Variants in DLC1 observed in about 807,000 individuals in gnomAD.
DLC1 encodes the protein rho GTPase-activating protein 7.
DLC1 carries 54 observed loss-of-function variants against 140.3 expected under a neutral mutation model. That is an observed-to-expected ratio of 0.38 (90% CI 0.31 to 0.48). The LOEUF is 0.48. DLC1 is among the 20% of genes least tolerant of loss of function. The pLI is 0.96. For synonymous variants in DLC1, 986 were observed against 728.1 expected (o/e 1.35, Z -5.70); for missense variants, 2,536 against 1,907.0 (o/e 1.33, Z -6.14).
chr8:13,227,188 A>G (rs984060588), intron 5 of DLC1, among the ~76,000 whole-genome samples: 1 of 152,170 alleles, frequency 6.6e-6, no homozygotes, highest in African/African-American at 2.4e-5. Flanking sequence ...GATAATTGTT[A>G]TTAGTGATAA....
At chr8:13,175,101 A>G (rs907026357) in intron 5 of DLC1, among the ~76,000 whole-genome samples, 1 of 152,112 alleles carries the variant, frequency 6.6e-6, no homozygotes, top group Non-Finnish European at 1.5e-5. Flanking sequence ...TCCCAGCACT[A>G]CTTATTGAAC....
intron 5 of DLC1, among the ~76,000 whole-genome samples, chr8:13,203,473 A>G (rs996599528): frequency 2.2e-4 from 34 of 152,324 alleles, no homozygotes; most frequent in Admixed American, 2.2e-3. Flanking sequence ...CTGGAAAGTT[A>G]CCAAAAATGA....
rs746688851 is a variant in DLC1, at chr8:13,499,268, T to C, written c.804A>G (p.Pro268=). Residue 268 remains proline, a synonymous_variant, in exon 2 of 18, where the codon CCA becomes CCG. Coordinates refer to ENST00000276297, the MANE Select transcript of DLC1 (RefSeq NM_182643.3). ...LDTPCTNRGL[P]LLKTDFGSCL... The stretch of plus-strand genomic sequence containing the variant: ...AGCTTCCAAAATCTGTTTTTAATAA[T>C]GGCAGTCCTCTGTTTGTGCAAGGAG... 3.1e-6 allele frequency: 5 copies of C among 1,614,184 alleles called. No individual in the cohort carries two copies. Among genetic ancestry groups the C allele is most frequent in the Non-Finnish European group, 2.5e-6 (3 of 1,180,022 alleles).
At chr8:13,536,911 A>G (rs1803303878) in intron 1 of DLC1, among the ~76,000 whole-genome samples, 1 of 152,186 alleles carries the variant, frequency 6.6e-6, no homozygotes, top group Non-Finnish European at 1.5e-5. Flanking sequence ...CAAAATTACT[A>G]TATTTTTGGA....
chr8:13,125,069 T>C (rs1169957000), intron 5 of DLC1, among the ~76,000 whole-genome samples: 1 of 152,036 alleles, frequency 6.6e-6, no homozygotes, highest in Non-Finnish European at 1.5e-5. Flanking sequence ...CTCTGCCTCC[T>C]GGGTTCAAGC....
chr8:13,284,949 T>C (rs1314407428), intron 5 of DLC1, among the ~76,000 whole-genome samples: 1 of 152,188 alleles, frequency 6.6e-6, no homozygotes, highest in African/African-American at 2.4e-5. Flanking sequence ...TTGTTAATTC[T>C]TCCAAACTAT....
At chr8:13,278,863 A>T (rs537042059) in intron 5 of DLC1, among the ~76,000 whole-genome samples, 1 of 152,324 alleles carries the variant, frequency 6.6e-6, no homozygotes, top group African/African-American at 2.4e-5. Context: ...GTCATCAGAG[A>T]TCATGTATAG....
intron 1 of DLC1, among the ~76,000 whole-genome samples, chr8:13,579,791 C>G (rs1805017055): frequency 6.6e-6 from 1 of 151,586 alleles, no homozygotes; most frequent in Non-Finnish European, 1.5e-5. Flanking sequence ...GAGCCCACTG[C>G]TTTTAGAAGT....
At chr8:13,451,061 A>AAAAAAAAAAAG (rs1563357501) in intron 2 of DLC1, among the ~76,000 whole-genome samples, 7 of 138,402 alleles carry the variant, frequency 5.1e-5, no homozygotes, top group Non-Finnish European at 1.1e-4. Flanking sequence ...AAAAAAAAAA[A>AAAAAAAAAAAG]AAAAAAAGAA....
intron 2 of DLC1, among the ~76,000 whole-genome samples, chr8:13,404,935 A>G (rs888230848): frequency 2.6e-5 from 4 of 152,058 alleles, no homozygotes; most frequent in Admixed American, 2.6e-4. Context: ...TGAACCTGGG[A>G]GGCAGAGGCA....
chr8:13,221,752 C>A lies in DLC1; in HGVS notation c.1348+83517G>T, dbSNP rs960509569. On this transcript the variant is annotated intron_variant, in intron 5 of 17. Transcript: ENST00000276297. ...TATATATATATATATATATGATAAA[C>A]CATTATATATAATATTAATATATTA... Among the ~76,000 whole-genome samples the A allele has an allele frequency of 1.8e-4, 24 of 132,100 alleles. 1 individual carries two copies. Among genetic ancestry groups the A allele is most frequent in the Admixed American group, 3.1e-4 (4 of 12,722 alleles). The allele number at this position is 132,100 out of a possible 152,430, so 86.7% of individuals were successfully genotyped here.
chr8:13,144,311 C>G (rs766266958), intron 5 of DLC1, among the ~76,000 whole-genome samples: 2 of 152,178 alleles, frequency 1.3e-5, no homozygotes. Context: ...GATCTTAGGC[C>G]TTCAACCTCA....
intron 5 of DLC1, among the ~76,000 whole-genome samples, chr8:13,258,178 C>T (rs929090965): frequency 1.3e-5 from 2 of 152,168 alleles, no homozygotes; most frequent in South Asian, 4.1e-4. Context: ...GATTAACAGT[C>T]TAAGCGTCAC....
intron 5 of DLC1, among the ~76,000 whole-genome samples, chr8:13,285,315 C>A (rs1023702637): frequency 2.0e-5 from 3 of 152,056 alleles, no homozygotes; most frequent in Non-Finnish European, 2.9e-5. Context: ...TTATCAACAA[C>A]TGGGGTGCTG....
intron 5 of DLC1, among the ~76,000 whole-genome samples, chr8:13,117,788 T>C (rs1180934242): frequency 1.3e-5 from 2 of 152,230 alleles, no homozygotes; most frequent in Non-Finnish European, 2.9e-5. Context: ...TACAAAAGCC[T>C]TAATTAGATA....
At chr8:13,337,888 T>G (rs1833873964) in intron 4 of DLC1, among the ~76,000 whole-genome samples, 2 of 152,112 alleles carry the variant, frequency 1.3e-5, no homozygotes, top group African/African-American at 4.8e-5. Context: ...TGATATAAAC[T>G]CCATGAAAAA....
At chr8:13,393,244 T>A (rs1207216711) in intron 4 of DLC1, among the ~76,000 whole-genome samples, 1 of 152,102 alleles carries the variant, frequency 6.6e-6, no homozygotes, top group Non-Finnish European at 1.5e-5. Flanking sequence ...GATAATAGTG[T>A]AGGGAAAGGC....
intron 5 of DLC1, among the ~76,000 whole-genome samples, chr8:13,235,661 T>C (rs1829241785): frequency 6.6e-6 from 1 of 152,048 alleles, no homozygotes; most frequent in Admixed American, 6.5e-5. Context: ...AGCTTTTTTT[T>C]TAGGTGAAAG....
chr8:13,576,736 T>C (rs909515750), intron 1 of DLC1, among the ~76,000 whole-genome samples: 1 of 152,298 alleles, frequency 6.6e-6, no homozygotes, highest in East Asian at 1.9e-4. Flanking sequence ...GAGTAGGGTA[T>C]GATCAGTACA....
Sources: gnomAD v4.1 joint callset for allele counts (sites outside exome capture counted in the v4.1 genomes callset) on GRCh38, gnomAD v4.1.1 for gene constraint, MANE v1.5 for transcripts, NCBI Gene and HGNC (gene_info 2026-07-23, HGNC 2026-07-21) for gene names.